Variants in EXOC4 observed in about 807,000 individuals in gnomAD.
EXOC4 encodes SEC8-like 1.
In EXOC4, 71 loss-of-function variants were observed where a neutral mutation model predicts 107.2. The ratio of observed to expected loss-of-function variants is 0.66; its 90% CI spans 0.55 to 0.81. The LOEUF (loss-of-function observed/expected upper bound fraction) is 0.81. EXOC4 is among the 30% of genes least tolerant of loss of function. EXOC4 has a pLI of 0.00. For missense variants in EXOC4, 1,108 were observed against 1,189.6 expected (o/e 0.93, Z 1.01); for synonymous variants, 456 against 441.2 (o/e 1.03, Z -0.42).
intron 9 of EXOC4, among the ~76,000 whole-genome samples, chr7:133,551,326 A>G (rs1331484407): frequency 6.6e-6 from 1 of 152,110 alleles, no homozygotes; most frequent in African/African-American, 2.4e-5. Context: ...AGCTGCCACA[A>G]ACCTTACTAT....
At chr7:133,585,286 T>TTATG (rs1374351918) in intron 9 of EXOC4, among the ~76,000 whole-genome samples, 1 of 152,226 alleles carries the variant, frequency 6.6e-6, no homozygotes, top group African/African-American at 2.4e-5. Flanking sequence ...TTTAGGTTTC[T>TTATG]TATGTGTAAA....
intron 4 of EXOC4, 52 bp from the exon 5 acceptor site, chr7:133,317,232 A>G (rs1795009353): frequency 7.8e-7 from 1 of 1,275,044 alleles, no homozygotes; most frequent in Non-Finnish European, 1.1e-6. Context: ...TAGTGGGAGG[A>G]CTTTAGTTGG....
intron 11 of EXOC4, among the ~76,000 whole-genome samples, chr7:133,887,377 A>T (rs1030446742): frequency 6.6e-6 from 1 of 152,214 alleles, no homozygotes; most frequent in Non-Finnish European, 1.5e-5. Flanking sequence ...GAGATTATAA[A>T]CAACTGAGGG....
intron 12 of EXOC4, among the ~76,000 whole-genome samples, chr7:133,910,342 G>T (rs1047533935): frequency 6.6e-6 from 1 of 152,136 alleles, no homozygotes; most frequent in African/African-American, 2.4e-5. Flanking sequence ...CTATTTAAAG[G>T]TTGTTACTAA....
chr7:133,973,354 A>G (rs1473488758), intron 14 of EXOC4, among the ~76,000 whole-genome samples: 1 of 152,222 alleles, frequency 6.6e-6, no homozygotes, highest in East Asian at 1.9e-4. Context: ...GTAAATAGTA[A>G]TAAGCCAGAC....
At chr7:133,704,180 T>G (rs1171013024) in intron 10 of EXOC4, among the ~76,000 whole-genome samples, 1 of 152,232 alleles carries the variant, frequency 6.6e-6, no homozygotes, top group African/African-American at 2.4e-5. Flanking sequence ...CTTGACCTCC[T>G]GCAATTAGGT....
chr7:133,353,001 A>G (rs1350937317), intron 5 of EXOC4, among the ~76,000 whole-genome samples: 1 of 152,150 alleles, frequency 6.6e-6, no homozygotes, highest in African/African-American at 2.4e-5. Context: ...GCTCAAAAAC[A>G]TAAACTAGTA....
In EXOC4 at chr7:134,064,500, C is replaced by G; in HGVS notation, c.2897C>G (p.Thr966Ser). 6.2e-7 allele frequency: 1 copy of G among 1,604,822 alleles called. No homozygotes were observed. Among genetic ancestry groups the G allele is most frequent in the African/African-American group, 1.3e-5 (1 of 74,756 alleles). ...ICEQAAIKQA[T>S]KDKKITTV is the part of the protein sequence containing the mutation. Reference sequence around the variant, plus strand: ...GAGCAGGCTGCCATCAAGCAAGCCACCAAGGACAAGAAGATAACTACCGTT... The same window carrying G: ...GAGCAGGCTGCCATCAAGCAAGCCAGCAAGGACAAGAAGATAACTACCGTT... Residue 966 changes from threonine to serine, a missense_variant, in exon 18 of 18, where the codon ACC becomes AGC. Transcript: ENST00000253861.
chr7:133,279,029 C>T (rs1794067257), intron 2 of EXOC4, among the ~76,000 whole-genome samples: 1 of 150,404 alleles, frequency 6.6e-6, no homozygotes, highest in African/African-American at 2.4e-5. Context: ...TCCATGTGTT[C>T]TCATTGTTCA....
chr7:133,283,416 C>T (rs1198191388), intron 2 of EXOC4, among the ~76,000 whole-genome samples: 1 of 152,196 alleles, frequency 6.6e-6, no homozygotes, highest in African/African-American at 2.4e-5. Context: ...TTCCATTGTG[C>T]TTATACCACA....
chr7:134,024,267 G>A (rs190169066), intron 17 of EXOC4, among the ~76,000 whole-genome samples: 209 of 152,214 alleles, frequency 1.4e-3, no homozygotes, highest in African/African-American at 4.5e-3. Flanking sequence ...TGGCTAACGC[G>A]GTGAAACCCC....
intron 11 of EXOC4, among the ~76,000 whole-genome samples, chr7:133,872,458 A>C (rs79703605): frequency 0.011 from 1,619 of 152,280 alleles, 17 homozygotes; most frequent in Non-Finnish European, 0.015. Context: ...TGAAGTACTC[A>C]TTTGTCTGAC....
chr7:133,862,640 C>T (rs757003177), intron 11 of EXOC4, among the ~76,000 whole-genome samples: 1 of 152,188 alleles, frequency 6.6e-6, no homozygotes, highest in Non-Finnish European at 1.5e-5. Context: ...TGCTATGAAA[C>T]TGATGGCTGT....
chr7:133,879,962 A>G (rs1289367735), intron 11 of EXOC4, among the ~76,000 whole-genome samples: 1 of 151,962 alleles, frequency 6.6e-6, no homozygotes, highest in Non-Finnish European at 1.5e-5. Context: ...CCCTTTCTCG[A>G]TTCCTTGACA....
In EXOC4 at chr7:133,303,060, A is replaced by G. The variant is rs150124517; in HGVS notation, c.472-2817A>G. ...TACAACAGAATTGACTGTCAGCGGT[A>G]GTCTGTTGGGTTGACTGCTGCCTCA... On this transcript the variant is annotated intron_variant, in intron 3 of 17. Coordinates refer to ENST00000253861, the MANE Select transcript of EXOC4 (RefSeq NM_021807.4). 2.7e-4 allele frequency among the ~76,000 whole-genome samples: 41 copies of G among 152,358 alleles called. 1 individual carries two copies. The East Asian group carries it at 7.9e-3, about 29-fold the overall frequency.
chr7:133,510,948 T>C (rs1217901992), intron 9 of EXOC4, among the ~76,000 whole-genome samples: 1 of 152,228 alleles, frequency 6.6e-6, no homozygotes, highest in Non-Finnish European at 1.5e-5. Context: ...TAATATGCTC[T>C]TATAACTTAT....
chr7:133,321,560 C>T (rs1295602687), intron 5 of EXOC4, among the ~76,000 whole-genome samples: 1 of 151,750 alleles, frequency 6.6e-6, no homozygotes, highest in African/African-American at 2.4e-5. Context: ...TGAACTCATC[C>T]TTTTTTATGG....
At position 133,562,160 on chromosome 7, in the gene EXOC4, C is replaced by G. The variant is rs10271842; in HGVS notation, c.1418-67885C>G. 9.3e-4 allele frequency among the ~76,000 whole-genome samples: 142 copies of G among 152,280 alleles called. 1 individual carries two copies. The highest frequency in any genetic ancestry group is 3.2e-3 in the African/African-American group (133 of 41,552). On this transcript the variant is annotated intron_variant, in intron 9 of 17. Coordinates refer to ENST00000253861, the MANE Select transcript of EXOC4 (RefSeq NM_021807.4). ...CCTATAGAGGACATTAAGTGAAGAACTTGTTGCATTTCTGCTTATTTATTT... is the reference window on the plus strand; with the variant it reads ...CCTATAGAGGACATTAAGTGAAGAAGTTGTTGCATTTCTGCTTATTTATTT...
intron 10 of EXOC4, among the ~76,000 whole-genome samples, chr7:133,738,472 A>T (rs927273372): frequency 6.6e-6 from 1 of 152,178 alleles, no homozygotes; most frequent in Non-Finnish European, 1.5e-5. Context: ...TTTATAGTTG[A>T]GAATGTGGAT....
Sources: allele counts gnomAD v4.1 joint callset (sites outside exome capture counted in the v4.1 genomes callset), GRCh38; gene constraint gnomAD v4.1.1; transcripts MANE v1.5; gene names NCBI Gene and HGNC (gene_info 2026-07-23, HGNC 2026-07-21).